Variants in TMCC1 observed in about 807,000 individuals in gnomAD.
TMCC1 encodes the protein transmembrane and coiled-coil domains protein 1.
A neutral mutation model predicts 52.4 loss-of-function variants in TMCC1; 15 were observed. The observed-to-expected ratio is 0.29, with a 90% CI of 0.19 to 0.44. The LOEUF is 0.44. Among genes scored for constraint, TMCC1 ranks in the 20% least tolerant of loss-of-function variants. The pLI is 1.00. For synonymous variants in TMCC1, 279 were observed against 301.9 expected (o/e 0.92, Z 0.79); for missense variants, 503 against 806.0 (o/e 0.62, Z 4.55).
At chr3:129,663,677 A>G (rs1226811255) in intron 5 of TMCC1, among the ~76,000 whole-genome samples, 2 of 152,238 alleles carry the variant, frequency 1.3e-5, no homozygotes, top group Non-Finnish European at 2.9e-5. Flanking sequence ...ACAAGAAAAC[A>G]GTAAATATCT....
chr3:129,729,100 G>A (rs951685885), intron 4 of TMCC1, among the ~76,000 whole-genome samples: 1 of 151,922 alleles, frequency 6.6e-6, no homozygotes, highest in African/African-American at 2.4e-5. Context: ...GATTTACTGG[G>A]TCACATGTTC....
intron 4 of TMCC1, among the ~76,000 whole-genome samples, chr3:129,794,848 A>T (rs1290914840): frequency 1.3e-5 from 2 of 152,028 alleles, no homozygotes; most frequent in Admixed American, 6.5e-5. Flanking sequence ...AGCAGCAGAG[A>T]GTGTCCACTG....
chr3:129,687,299 G>GA (rs1191968606), intron 4 of TMCC1, among the ~76,000 whole-genome samples: 20 of 151,860 alleles, frequency 1.3e-4, no homozygotes, highest in Middle Eastern at 3.4e-3. Context: ...TTAATGTTTA[G>GA]AAAAAAAACA....
rs929325606 is a variant in TMCC1 at position 129,693,605 on chromosome 3, C to T, written c.577-22341G>A. Among the ~76,000 whole-genome samples, 7 of 149,310 alleles carry T rather than the reference C, an allele frequency of 4.7e-5. No individual in the cohort carries two copies. In the Admixed American group the frequency reaches 4.8e-4, roughly 10 times the overall value. On this transcript the variant is annotated intron_variant, in intron 4 of 6. Transcript: ENST00000393238. The stretch of plus-strand genomic sequence containing the variant: ...GCTCAAGTGATCCTCCCACCTCAGT[C>T]TCCCAAAGTGCTGGGATTATAGGCA...
chr3:129,784,441 C>T (rs1038674660), intron 4 of TMCC1, among the ~76,000 whole-genome samples: 2 of 151,912 alleles, frequency 1.3e-5, no homozygotes, highest in African/African-American at 4.8e-5. Context: ...TGGCGGGCGC[C>T]TGTAGTTCCA....
At chr3:129,811,328 A>G (rs1441296197) in intron 4 of TMCC1, among the ~76,000 whole-genome samples, 2 of 152,162 alleles carry the variant, frequency 1.3e-5, no homozygotes, top group Admixed American at 6.5e-5. Context: ...GCAGTGGCAC[A>G]GTCAACAGCT....
intron 2 of TMCC1, among the ~76,000 whole-genome samples, chr3:129,848,118 T>C (rs912119609): frequency 1.3e-5 from 2 of 152,216 alleles, no homozygotes; most frequent in East Asian, 3.8e-4. Context: ...TACTTTTTCA[T>C]TTTCTTAAAG....
intron 5 of TMCC1, among the ~76,000 whole-genome samples, chr3:129,661,625 C>A (rs1412827020): frequency 3.9e-5 from 6 of 151,976 alleles, no homozygotes; most frequent in Admixed American, 2.0e-4. Context: ...CATGGTGAAA[C>A]CCTGTCTCTA....
chr3:129,866,251 T>C (rs2060624439), intron 2 of TMCC1, among the ~76,000 whole-genome samples: 2 of 145,680 alleles, frequency 1.4e-5, no homozygotes, highest in South Asian at 2.1e-4. Flanking sequence ...TACATATATA[T>C]AATATATATT....
intron 4 of TMCC1, among the ~76,000 whole-genome samples, chr3:129,729,782 T>C (rs796710956): frequency 1.2e-4 from 19 of 152,260 alleles, no homozygotes; most frequent in African/African-American, 4.6e-4. Flanking sequence ...TAGCCCACAG[T>C]TGGCAAAATC....
chr3:129,716,306 G>A (rs1228431757), intron 4 of TMCC1, among the ~76,000 whole-genome samples: 1 of 148,250 alleles, frequency 6.7e-6, no homozygotes. Flanking sequence ...GGGATTATAA[G>A]CATGAACCAC....
intron 1 of TMCC1, 89 bp downstream of exon 1, chr3:129,893,405 C>A (rs1560638651): frequency 6.6e-6 from 1 of 152,254 alleles, no homozygotes; most frequent in Non-Finnish European, 1.5e-5. Context: ...CGCCAGGCCA[C>A]GCTCCCTCAC....
intron 4 of TMCC1, among the ~76,000 whole-genome samples, chr3:129,737,436 C>T (rs1485222400): frequency 1.3e-5 from 2 of 151,846 alleles, no homozygotes; most frequent in East Asian, 1.9e-4. Flanking sequence ...GCCGAGATCA[C>T]GCCGCTGCAC....
intron 4 of TMCC1, among the ~76,000 whole-genome samples, chr3:129,764,732 A>AG: frequency 2.7e-5 from 2 of 75,320 alleles, no homozygotes; most frequent in South Asian, 5.5e-4. Flanking sequence ...ATCCTATAAT[A>AG]TTGTGTGTGT....
intron 2 of TMCC1, among the ~76,000 whole-genome samples, chr3:129,848,857 T>C (rs1332866166): frequency 6.6e-6 from 1 of 151,266 alleles, no homozygotes; most frequent in Non-Finnish European, 1.5e-5. Flanking sequence ...TCTTATGACC[T>C]GACTTCCTAC....
chr3:129,874,169 T>A (rs555290338), intron 2 of TMCC1, among the ~76,000 whole-genome samples: 1 of 152,242 alleles, frequency 6.6e-6, no homozygotes, highest in Non-Finnish European at 1.5e-5. Context: ...AACATCTGCA[T>A]ATTCCTATTC....
chr3:129,712,898 A>G (rs556543052), intron 4 of TMCC1, among the ~76,000 whole-genome samples: 11 of 152,294 alleles, frequency 7.2e-5, no homozygotes, highest in Non-Finnish European at 1.2e-4. Flanking sequence ...AACTGAACAT[A>G]TCTAATTGTG....
chr3:129,701,320 G>C (rs1397783929), intron 4 of TMCC1, among the ~76,000 whole-genome samples: 1 of 152,210 alleles, frequency 6.6e-6, no homozygotes, highest in Admixed American at 6.5e-5. Flanking sequence ...CATTACTCAA[G>C]AAGTCTCTTC....
rs2087810154 is a variant in TMCC1, at chr3:129,670,272, T to C, written c.1511+58A>G. Reference sequence around the variant, plus strand: ...GACTTTTAAAAGCCATTTCCCCATATCTAAAGGGAGGGGAACCCTACACAA... The same window carrying C: ...GACTTTTAAAAGCCATTTCCCCATACCTAAAGGGAGGGGAACCCTACACAA... On this transcript the variant is annotated intron_variant, in intron 5 of 6. Coordinates refer to ENST00000393238, the MANE Select transcript of TMCC1 (RefSeq NM_001017395.5). 20 of 1,532,994 alleles carry C rather than the reference T, an allele frequency of 1.3e-5. 1 individual carries two copies. The South Asian group carries it at 2.4e-4, about 18-fold the overall frequency. 95.0% of individuals were successfully genotyped at this position (1,532,994 alleles called of 1,614,324 possible).
Sources: gnomAD v4.1 joint callset for allele counts (sites outside exome capture counted in the v4.1 genomes callset) on GRCh38, gnomAD v4.1.1 for gene constraint, MANE v1.5 for transcripts, NCBI Gene and HGNC (gene_info 2026-07-23, HGNC 2026-07-21) for gene names.